Variants in RAB44 observed in about 807,000 individuals in gnomAD.
RAB44 encodes the protein RAB44, member RAS oncogene family.
A neutral mutation model predicts 93.3 loss-of-function variants in RAB44; 67 were observed. That is an observed-to-expected ratio of 0.72 (90% CI 0.59 to 0.88). The LOEUF (loss-of-function observed/expected upper bound fraction) is 0.88. RAB44 is among the 40% of genes least tolerant of loss of function. RAB44 has a pLI of 0.00. For synonymous variants in RAB44, 427 were observed against 520.3 expected (o/e 0.82, Z 2.44); for missense variants, 1,064 against 1,261.7 (o/e 0.84, Z 2.37).
At chr6:36,728,648 C>T in intron 11 of RAB44, 52 bp from the exon 12 acceptor site, 2 of 1,482,652 alleles carry the variant, frequency 1.3e-6, no homozygotes, top group Non-Finnish European at 1.8e-6. Context: ...GCAAATGTGC[C>T]AGGAGCCTGG....
Position 36,717,625 on chromosome 6 carries a change from C to T in RAB44, c.641+206C>T, listed in dbSNP as rs1762954788. 6.6e-6 allele frequency among the ~76,000 whole-genome samples: 1 copy of T among 151,906 alleles called. No individual in the cohort carries two copies. Among genetic ancestry groups the T allele is most frequent in the Non-Finnish European group, 1.5e-5 (1 of 68,006 alleles). On this transcript the variant is annotated intron_variant, in intron 5 of 13. Transcript: ENST00000612677. This position sits in a 1 kb window ranked among gnomAD's most constrained non-coding sequence, Gnocchi z 4.1. ...CAGGAGTGGGAAGGGCAGGGTGTGT[C>T]TTGGTACAGGACCCACTGTGACGCC...
At chr6:36,705,110 CAAAAA>C (rs759512832) in intron 2 of RAB44, among the ~76,000 whole-genome samples, 1 of 85,492 alleles carries the variant, frequency 1.2e-5, no homozygotes. Flanking sequence ...GACTCCATCT[CAAAAA>C]AAAAAAAAAA....
At chr6:36,729,545 C>T (rs1328173747) in intron 12 of RAB44, among the ~76,000 whole-genome samples, 4 of 150,942 alleles carry the variant, frequency 2.7e-5, no homozygotes, top group Admixed American at 6.6e-5. Flanking sequence ...TGCAGTGGCA[C>T]GATCTTGGCT....
In RAB44 at chr6:36,730,762, C is replaced by CCGGG; in HGVS notation, c.2975+13_2975+14insCGGG. On this transcript the variant is annotated intron_variant, in intron 13 of 13. Coordinates refer to ENST00000612677, the MANE Select transcript of RAB44 (RefSeq NM_001257357.2). ...TAAACCTGGCCAGGTAAGTGCTGCC[C>CCGGG]GCCCCCCGCCGCCCCCACCCCCCCC... The CCGGG allele has an allele frequency of 8.6e-7, 1 of 1,163,074 alleles. No homozygotes were observed. The highest frequency in any genetic ancestry group is 4.7e-5 in the Admixed American group (1 of 21,404). The allele number at this position is 1,163,074 out of a possible 1,614,324, so 72.0% of individuals were successfully genotyped here.
intron 11 of RAB44, among the ~76,000 whole-genome samples, chr6:36,728,054 G>C (rs1763279775): frequency 6.6e-6 from 1 of 152,176 alleles, no homozygotes; most frequent in Admixed American, 6.5e-5. Context: ...CTTCCTCAAA[G>C]CATATATACT....
intron 1 of RAB44, among the ~76,000 whole-genome samples, chr6:36,700,391 G>C (rs189812221): frequency 3.3e-5 from 5 of 152,340 alleles, no homozygotes; most frequent in African/African-American, 1.2e-4. Context: ...GGTCACGAGA[G>C]TGGGACTGAC....
Position 36,717,341 on chromosome 6 carries a change from C to T in RAB44, c.563C>T (p.Ala188Val). Residue 188 changes from alanine (A) to valine (V), a missense_variant, in exon 5 of 14, where the codon GCA becomes GTA. Transcript: ENST00000612677. This position sits in a 1 kb window ranked among gnomAD's most constrained non-coding sequence, Gnocchi z 4.1. The part of the protein sequence containing the change: ...QEEPQLAGNL[A>V]GFLAKMTSRL... ...GAGCCCCAGCTGGCAGGCAACCTGG[C>T]AGGCTTTCTGGCCAAGATGACCAGC... The T allele has an allele frequency of 1.6e-6, 2 of 1,232,156 alleles. No homozygotes were observed. Among genetic ancestry groups the T allele is most frequent in the Non-Finnish European group, 2.0e-6 (2 of 987,974 alleles). The allele number at this position is 1,232,156 out of a possible 1,614,324, so 76.3% of individuals were successfully genotyped here. A position where few individuals can be genotyped will look rare whatever the true frequency, so the allele number is the denominator to read the frequency against.
At chr6:36,709,752 TC>T (rs929705564) in intron 2 of RAB44, among the ~76,000 whole-genome samples, 3 of 152,154 alleles carry the variant, frequency 2.0e-5, no homozygotes, top group Non-Finnish European at 4.4e-5. Flanking sequence ...AGACAGGGTT[TC>T]ACCATGTTGG....
chr6:36,721,920 A>T lies in RAB44; in HGVS notation c.1786A>T (p.Thr596Ser). 1 of 1,234,758 alleles carries T rather than the reference A, an allele frequency of 8.1e-7. No individual in the cohort carries two copies. The highest frequency in any genetic ancestry group is 1.0e-6 in the Non-Finnish European group (1 of 988,490). The allele number at this position is 1,234,758 out of a possible 1,614,324, so 76.5% of individuals were successfully genotyped here. The change falls in exon 9 of 14, where the codon ACT (threonine) becomes TCT (serine). Residue 596 changes from threonine to serine, a missense_variant. By Grantham distance (58) the Thr-to-Ser change is moderately conservative. Coordinates refer to ENST00000612677, the MANE Select transcript of RAB44 (RefSeq NM_001257357.2). ...TGCCCTCCAGCAGGACCTGCATGCC[A>T]CTGGCTCTGAGCCAAGACTGGGGAC... Reference protein sequence around the residue: ...RDALQQDLHATGSEPRLGTQR... With the variant: ...RDALQQDLHASGSEPRLGTQR...
chr6:36,707,688 G>A (rs761274215), intron 2 of RAB44, among the ~76,000 whole-genome samples: 22 of 152,172 alleles, frequency 1.4e-4, no homozygotes, highest in Non-Finnish European at 2.9e-4. Context: ...CATCGAACCT[G>A]GTACAGTCCT....
chr6:36,723,982 C>G (rs985154461), intron 9 of RAB44, among the ~76,000 whole-genome samples: 2 of 151,882 alleles, frequency 1.3e-5, no homozygotes, highest in Non-Finnish European at 2.9e-5. Context: ...CAGCCCCCCA[C>G]AAGAGAGGCC....
At chr6:36,726,746 G>A (rs143583877) in intron 10 of RAB44, among the ~76,000 whole-genome samples, 141 of 151,548 alleles carry the variant, frequency 9.3e-4, no homozygotes, top group African/African-American at 3.1e-3. Flanking sequence ...AATCTACCCA[G>A]TATAACACCA....
In RAB44 at chr6:36,720,472, G is replaced by A. The variant is rs758332381; in HGVS notation, c.938G>A (p.Arg313Gln). The A allele has an allele frequency of 7.1e-5, 87 of 1,233,046 alleles. No individual in the cohort carries two copies. The highest frequency in any genetic ancestry group is 8.7e-5 in the Non-Finnish European group (86 of 988,390). 76.4% of individuals were successfully genotyped at this position (1,233,046 alleles called of 1,614,324 possible). ...RDLAGRLEEV[R>Q]GQLQVTRGRL... is the part of the protein sequence containing the mutation. ...CTGGCTGGGCGGCTGGAGGAGGTGC[G>A]GGGGCAGCTGCAGGTGACCAGGGGG... Residue 313 changes from arginine to glutamine, a missense_variant, in exon 8 of 14, where the codon CGG (arginine) becomes CAG (glutamine). Physicochemically the swap from Arg to Gln is conservative, Grantham distance 43. Transcript: ENST00000612677.
intron 2 of RAB44, among the ~76,000 whole-genome samples, chr6:36,708,502 C>T (rs980506491): frequency 6.6e-6 from 1 of 151,656 alleles, no homozygotes; most frequent in Non-Finnish European, 1.5e-5. Flanking sequence ...ATCAAAAGAA[C>T]GGTTAGAGAA....
At chr6:36,699,490 G>A (rs6905861) in intron 1 of RAB44, among the ~76,000 whole-genome samples, 59,903 of 151,980 alleles carry the variant, frequency 0.39, 11,806 homozygotes, top group South Asian at 0.43. Context: ...CTCCATTGCC[G>A]GAAGTACATG....
At position 36,730,736 on chromosome 6, in the gene RAB44, G is replaced by GTAAAC. The variant is rs1763342940; in HGVS notation, c.2963_2967dup (p.Leu990Ter). On this transcript the variant is annotated frameshift_variant, in exon 13 of 14. Coordinates refer to ENST00000612677, the MANE Select transcript of RAB44 (RefSeq NM_001257357.2). LOFTEE classifies it low-confidence loss of function (END_TRUNC). ...GGGTCACAACATCCTGGAGCCTGTA[G>GTAAAC]TAAACCTGGCCAGGTAAGTGCTGCC... The GTAAAC allele has an allele frequency of 2.4e-6, 3 of 1,233,832 alleles. No homozygotes were observed. The allele number at this position is 1,233,832 out of a possible 1,614,324, so 76.4% of individuals were successfully genotyped here.
chr6:36,732,144 T>C lies in RAB44; in HGVS notation c.*51T>C. Reference sequence around the variant, plus strand: ...GGACACCCATGGGGTTTCCTGTCCCTCAGCTCCTGTCCTTTGTTCCTGGAC... The same window carrying C: ...GGACACCCATGGGGTTTCCTGTCCCCCAGCTCCTGTCCTTTGTTCCTGGAC... On this transcript the variant is annotated 3_prime_UTR_variant, in exon 14 of 14. Transcript: ENST00000612677. 1 of 1,131,682 alleles carries C rather than the reference T, an allele frequency of 8.8e-7. No homozygotes were observed. The highest frequency in any genetic ancestry group is 1.1e-6 in the Non-Finnish European group (1 of 894,654). The allele number at this position is 1,131,682 out of a possible 1,614,324, so 70.1% of individuals were successfully genotyped here. A position where few individuals can be genotyped will look rare whatever the true frequency, so the allele number is the denominator to read the frequency against.
At chr6:36,711,732 A>C (rs991342820) in intron 2 of RAB44, among the ~76,000 whole-genome samples, 14 of 151,942 alleles carry the variant, frequency 9.2e-5, no homozygotes, top group Non-Finnish European at 1.5e-5. Context: ...AAAGTATTTC[A>C]CACTGACATA....
intron 1 of RAB44, among the ~76,000 whole-genome samples, chr6:36,704,004 G>C (rs1177388580): frequency 6.6e-6 from 1 of 152,214 alleles, no homozygotes; most frequent in African/African-American, 2.4e-5. Flanking sequence ...ATTCCAGGTA[G>C]AGGGAACTTA....
Sources: gnomAD v4.1 joint callset for allele counts (sites outside exome capture counted in the v4.1 genomes callset) on GRCh38, gnomAD v4.1.1 for gene constraint, Gnocchi (gnomAD v3.1) non-coding constraint, MANE v1.5 for transcripts, NCBI Gene and HGNC (gene_info 2026-07-23, HGNC 2026-07-21) for gene names.